NKAIN2: variants seen among roughly 807,000 people sequenced by gnomAD.
NKAIN2 encodes sodium/potassium-transporting ATPase subunit beta-1-interacting protein 2.
A neutral mutation model predicts 32.6 loss-of-function variants in NKAIN2; 14 were observed. That is an observed-to-expected ratio of 0.43 (90% CI 0.28 to 0.67). The LOEUF is 0.67. NKAIN2 is among the 30% of genes least tolerant of loss of function. The probability of loss-of-function intolerance (pLI) is 0.17; values close to 1 mark genes in which losing one functional copy is unlikely to be tolerated. For missense variants in NKAIN2, 198 were observed against 258.3 expected (o/e 0.77, Z 1.60); for synonymous variants, 80 against 87.2 (o/e 0.92, Z 0.46).
chr6:124,668,883 C>T (rs1772953362), intron 4 of NKAIN2, among the ~76,000 whole-genome samples: 1 of 152,062 alleles, frequency 6.6e-6, no homozygotes, highest in Admixed American at 6.6e-5. Flanking sequence ...ATGTGTTTGG[C>T]CACATCTTTA....
chr6:124,539,878 G>T (rs1171806329), intron 3 of NKAIN2, among the ~76,000 whole-genome samples: 1 of 151,936 alleles, frequency 6.6e-6, no homozygotes, highest in Non-Finnish European at 1.5e-5. Context: ...ATGCCGCTAT[G>T]CCCAGCTAAT....
At chr6:124,081,174 C>T (rs1332632886) in intron 1 of NKAIN2, among the ~76,000 whole-genome samples, 1 of 151,898 alleles carries the variant, frequency 6.6e-6, no homozygotes, top group Non-Finnish European at 1.5e-5. Context: ...CACAGGAATT[C>T]TTGATGACTG....
chr6:124,354,249 TAATG>T (rs1435749383), intron 2 of NKAIN2, among the ~76,000 whole-genome samples: 1 of 152,186 alleles, frequency 6.6e-6, no homozygotes, highest in African/African-American at 2.4e-5. Context: ...TCTTGTATAA[TAATG>T]ATCTATTTTT....
chr6:124,708,700 C>A (rs1165032853), intron 4 of NKAIN2, among the ~76,000 whole-genome samples: 1 of 152,094 alleles, frequency 6.6e-6, no homozygotes, highest in African/African-American at 2.4e-5. Context: ...TATCCTGAGA[C>A]TTTGCTGAAG....
intron 3 of NKAIN2, among the ~76,000 whole-genome samples, chr6:124,421,613 C>G (rs1774755128): frequency 6.6e-6 from 1 of 152,112 alleles, no homozygotes; most frequent in Non-Finnish European, 1.5e-5. Context: ...AAGATAATCA[C>G]TTGTGATTCC....
intron 1 of NKAIN2, among the ~76,000 whole-genome samples, chr6:124,223,482 C>G (rs1009150410): frequency 6.6e-5 from 10 of 152,094 alleles, no homozygotes; most frequent in Admixed American, 5.9e-4. Context: ...TTTCCTCACC[C>G]TTCCTGGACT....
chr6:124,049,035 A>G (rs1782272189), intron 1 of NKAIN2, among the ~76,000 whole-genome samples: 1 of 152,072 alleles, frequency 6.6e-6, no homozygotes, highest in South Asian at 2.1e-4. Flanking sequence ...TATTTATAAG[A>G]TCACATAAGT....
rs1437377718 is a variant in NKAIN2 at position 123,931,933 on chromosome 6, G to A, written c.54+127679G>A. On this transcript the variant is annotated intron_variant, in intron 1 of 6. Coordinates refer to ENST00000368417, the MANE Select transcript of NKAIN2 (RefSeq NM_001040214.3). ...TCTCTAGTTTGACAATATCTGAAAA[G>A]CTACTCTCCTGAAATTGCTTCCTCC... Among the ~76,000 whole-genome samples the A allele has an allele frequency of 2.0e-5, 3 of 152,108 alleles. No homozygotes were observed. The East Asian group carries it at 5.8e-4, about 29-fold the overall frequency.
intron 3 of NKAIN2, among the ~76,000 whole-genome samples, chr6:124,639,518 C>T (rs1428846728): frequency 6.6e-6 from 1 of 151,988 alleles, no homozygotes; most frequent in Non-Finnish European, 1.5e-5. Flanking sequence ...CCTGTAGTCC[C>T]AGCTACTCAG....
intron 2 of NKAIN2, among the ~76,000 whole-genome samples, chr6:124,343,177 C>A (rs1032135455): frequency 3.3e-5 from 5 of 152,048 alleles, no homozygotes; most frequent in Admixed American, 6.5e-5. Flanking sequence ...TTTTTTATGG[C>A]TGCATAGTAT....
At chr6:124,369,779 G>A (rs917474382) in intron 3 of NKAIN2, among the ~76,000 whole-genome samples, 10 of 150,990 alleles carry the variant, frequency 6.6e-5, no homozygotes, top group South Asian at 2.1e-4. Context: ...CAAAATCACC[G>A]CCTTTATTTA....
chr6:124,653,707 A>G (rs1469593927), intron 3 of NKAIN2, among the ~76,000 whole-genome samples: 1 of 152,190 alleles, frequency 6.6e-6, no homozygotes, highest in African/African-American at 2.4e-5. Flanking sequence ...TATCAAAAGA[A>G]TGAAAAGACA....
At chr6:124,080,745 CT>C (rs973034177) in intron 1 of NKAIN2, among the ~76,000 whole-genome samples, 5 of 151,322 alleles carry the variant, frequency 3.3e-5, no homozygotes, top group African/African-American at 4.9e-5. Context: ...CACTCCCCCC[CT>C]CCAAGATCTT....
intron 1 of NKAIN2, among the ~76,000 whole-genome samples, chr6:124,219,618 AG>A (rs1380177363): frequency 1.3e-5 from 2 of 152,104 alleles, no homozygotes; most frequent in African/African-American, 4.8e-5. Flanking sequence ...GAATCTGTTA[AG>A]TGTAGAAGAT....
At position 124,773,451 on chromosome 6, in the gene NKAIN2, C is replaced by T. The variant is rs534510495; in HGVS notation, c.475-17888C>T. Reference sequence around the variant, plus strand: ...AAAAGAAACAGAAGGACACAGCATTCGGACCAGAATGAAAGATCAGCTATG... The same window carrying T: ...AAAAGAAACAGAAGGACACAGCATTTGGACCAGAATGAAAGATCAGCTATG... On this transcript the variant is annotated intron_variant, in intron 4 of 6. Coordinates refer to ENST00000368417, the MANE Select transcript of NKAIN2 (RefSeq NM_001040214.3). 4.6e-5 allele frequency among the ~76,000 whole-genome samples: 7 copies of T among 152,182 alleles called. No individual in the cohort carries two copies. The East Asian group carries it at 1.2e-3, about 25-fold the overall frequency.
chr6:124,562,730 G>A (rs1780742352), intron 3 of NKAIN2, among the ~76,000 whole-genome samples: 1 of 151,966 alleles, frequency 6.6e-6, no homozygotes, highest in South Asian at 2.1e-4. Flanking sequence ...AGTGCCATTT[G>A]TTTTACCTTT....
intron 3 of NKAIN2, among the ~76,000 whole-genome samples, chr6:124,504,520 C>A (rs1218504672): frequency 1.3e-5 from 2 of 152,140 alleles, no homozygotes; most frequent in Non-Finnish European, 2.9e-5. Flanking sequence ...TCATCAACAG[C>A]ATACTCACAT....
intron 3 of NKAIN2, among the ~76,000 whole-genome samples, chr6:124,613,070 A>G (rs1049099279): frequency 6.6e-6 from 1 of 152,144 alleles, no homozygotes; most frequent in Non-Finnish European, 1.5e-5. Context: ...AATATACCCA[A>G]AGCATGAACG....
rs145314241 is a variant in NKAIN2, at chr6:124,464,947, A to G, written c.273+109600A>G. Among the ~76,000 whole-genome samples, 1,399 of 152,120 alleles carry G rather than the reference A, an allele frequency of 9.2e-3. 22 individuals are homozygous for G. The highest frequency in any genetic ancestry group is 0.032 in the African/African-American group (1,340 of 41,504). On this transcript the variant is annotated intron_variant, in intron 3 of 6. Coordinates refer to ENST00000368417, the MANE Select transcript of NKAIN2 (RefSeq NM_001040214.3). ...CATGGGGATAGCATTGAATCTATAAATTACTTTGGACAGTATGGCCATTTT... is the reference window on the plus strand; with the variant it reads ...CATGGGGATAGCATTGAATCTATAAGTTACTTTGGACAGTATGGCCATTTT...
Sources: allele counts gnomAD v4.1 joint callset (sites outside exome capture counted in the v4.1 genomes callset), GRCh38; gene constraint gnomAD v4.1.1; transcripts MANE v1.5; gene names NCBI Gene and HGNC (gene_info 2026-07-23, HGNC 2026-07-21).